SFXN5: variants seen among roughly 807,000 people sequenced by gnomAD.
SFXN5 encodes the protein sideroflexin-5.
A neutral mutation model predicts 50.2 loss-of-function variants in SFXN5; 43 were observed. The observed-to-expected ratio is 0.86, with a 90% CI of 0.67 to 1.11. The LOEUF is 1.11. Among genes scored for constraint, SFXN5 ranks in the 50% least tolerant of loss-of-function variants. The probability of loss-of-function intolerance (pLI) is 0.00; values close to 1 mark genes in which losing one functional copy is unlikely to be tolerated. For synonymous variants in SFXN5, 203 were observed against 185.8 expected, an observed-to-expected ratio of 1.09 and a Z score of -0.75; for missense variants, 463 against 454.1, an observed-to-expected ratio of 1.02 and a Z score of -0.18.
intron 10 of SFXN5, chr2:72,980,986 A>G (rs979964095): frequency 6.6e-6 from 1 of 152,178 alleles, no homozygotes. Flanking sequence ...CATTTACGCA[A>G]CAAGCACTTA....
chr2:73,065,232 C>G (rs1377563631), intron 1 of SFXN5, among the ~76,000 whole-genome samples: 1 of 152,130 alleles, frequency 6.6e-6, no homozygotes, highest in Non-Finnish European at 1.5e-5. Context: ...TCCCAAGTAG[C>G]TGGGACTACA....
chr2:73,056,073 G>A (rs1682075444), intron 2 of SFXN5, among the ~76,000 whole-genome samples: 1 of 152,220 alleles, frequency 6.6e-6, no homozygotes, highest in Non-Finnish European at 1.5e-5. Context: ...GGGAAGTGGA[G>A]GCTGCAATGA....
At chr2:73,019,857 G>A (rs1475346621) in intron 6 of SFXN5, 2 of 187,138 alleles carry the variant, frequency 1.1e-5, no homozygotes, top group Non-Finnish European at 2.2e-5. Flanking sequence ...CAAAAAGAAT[G>A]CTGAAAATTC....
rs1673473196 is a variant in SFXN5, at chr2:72,959,527, ACT to A, written c.945+1602_945+1603del. ...TGACTTCCTGCCCCTTCCCCACCCT[ACT>A]CTCTCCTGTCTGCTCAGTCACAAGA... On this transcript the variant is annotated intron_variant, in intron 13 of 13. Coordinates refer to ENST00000272433, the MANE Select transcript of SFXN5 (RefSeq NM_144579.3). 2.0e-5 allele frequency among the ~76,000 whole-genome samples: 3 copies of A among 148,434 alleles called. No homozygotes were observed. In the South Asian group the frequency reaches 6.4e-4, roughly 32 times the overall value.
At chr2:72,964,144 G>A (rs2105402586) in intron 12 of SFXN5, among the ~76,000 whole-genome samples, 1 of 152,376 alleles carries the variant, frequency 6.6e-6, no homozygotes, top group Middle Eastern at 3.4e-3. Context: ...GCAGGTCCCA[G>A]CCATGGCCGC....
chr2:72,979,623 G>T (rs1671054905), intron 10 of SFXN5, among the ~76,000 whole-genome samples: 1 of 152,162 alleles, frequency 6.6e-6, no homozygotes, highest in Non-Finnish European at 1.5e-5. Flanking sequence ...GACAGAGCAA[G>T]ACTCCGTCTA....
At chr2:72,988,124 T>C in intron 10 of SFXN5, 134 bp downstream of exon 10, 2 of 737,008 alleles carry the variant, frequency 2.7e-6, no homozygotes, top group South Asian at 2.0e-5. Flanking sequence ...TAGCTAAACA[T>C]ATTACACCAA....
At chr2:73,070,438 A>G (rs1683493470) in intron 1 of SFXN5, 1 of 152,144 alleles carries the variant, frequency 6.6e-6, no homozygotes, top group Non-Finnish European at 1.5e-5. Flanking sequence ...CAAAAAAAGA[A>G]AAAAAAAGCC....
At chr2:73,014,319 T>C (rs2105787789) in intron 6 of SFXN5, among the ~76,000 whole-genome samples, 1 of 152,316 alleles carries the variant, frequency 6.6e-6, no homozygotes, top group Non-Finnish European at 1.5e-5. Context: ...TACTATTAGA[T>C]GGTTTGTCCT....
intron 6 of SFXN5, among the ~76,000 whole-genome samples, chr2:73,010,441 T>C (rs1363456923): frequency 6.6e-6 from 1 of 152,212 alleles, no homozygotes; most frequent in African/African-American, 2.4e-5. Context: ...CTTTTTACAA[T>C]AGAAGCCAGT....
chr2:72,978,960 A>G (rs1574016487), intron 10 of SFXN5, among the ~76,000 whole-genome samples: 2 of 152,328 alleles, frequency 1.3e-5, no homozygotes, highest in Admixed American at 1.3e-4. Flanking sequence ...GAGAGACTGA[A>G]AACAACCTAA....
intron 2 of SFXN5, among the ~76,000 whole-genome samples, chr2:73,043,952 C>T (rs1306440023): frequency 6.6e-6 from 1 of 152,182 alleles, no homozygotes; most frequent in Admixed American, 6.5e-5. Flanking sequence ...CAGACCCTCA[C>T]TCTGCACAAC....
chr2:73,069,909 G>C (rs1386566017), intron 1 of SFXN5, among the ~76,000 whole-genome samples: 1 of 152,158 alleles, frequency 6.6e-6, no homozygotes, highest in Non-Finnish European at 1.5e-5. Context: ...CAGAGGCAGA[G>C]AAGGGCAAGA....
intron 3 of SFXN5, among the ~76,000 whole-genome samples, chr2:73,037,604 C>T (rs1210783208): frequency 6.6e-6 from 1 of 152,064 alleles, no homozygotes; most frequent in Non-Finnish European, 1.5e-5. Context: ...ACAAATTTCA[C>T]AGATAAAGAG....
chr2:73,051,021 A>G (rs1485931098), intron 2 of SFXN5, among the ~76,000 whole-genome samples: 1 of 152,216 alleles, frequency 6.6e-6, no homozygotes. Flanking sequence ...ACGAAGTCCT[A>G]GGACACAGGC....
rs1308958363 is a variant in SFXN5 at position 73,071,378 on chromosome 2, G to A, written c.102+226C>T. 1.5e-5 allele frequency: 8 copies of A among 535,236 alleles called. No individual in the cohort carries two copies. In the East Asian group the frequency reaches 2.0e-4, roughly 13 times the overall value. 33.2% of individuals were successfully genotyped at this position (535,236 alleles called of 1,614,324 possible). On this transcript the variant is annotated intron_variant, in intron 1 of 13. Transcript: ENST00000272433. Reference sequence around the variant, plus strand: ...AAGGCTAGAGGGCGCGGGCAGTCGGGGAGTGACGGCGCCAAGGGCCAATAG... The same window carrying A: ...AAGGCTAGAGGGCGCGGGCAGTCGGAGAGTGACGGCGCCAAGGGCCAATAG...
chr2:73,038,703 A>G (rs1165799684), intron 3 of SFXN5, among the ~76,000 whole-genome samples: 1 of 152,116 alleles, frequency 6.6e-6, no homozygotes, highest in Non-Finnish European at 1.5e-5. Context: ...TAAATTTCAG[A>G]TTTTTGACTC....
At chr2:72,987,132 G>A (rs1292060993) in intron 10 of SFXN5, among the ~76,000 whole-genome samples, 1 of 151,970 alleles carries the variant, frequency 6.6e-6, no homozygotes, top group Non-Finnish European at 1.5e-5. Context: ...GTTTTGTTTT[G>A]TTTTTGAGAC....
chr2:72,998,318 TC>T (rs749459539), intron 9 of SFXN5: 2 of 152,282 alleles, frequency 1.3e-5, no homozygotes, highest in Non-Finnish European at 2.9e-5. Context: ...CCTGACTGTG[TC>T]ACTTGCCCCT....
Sources: allele counts gnomAD v4.1 joint callset (sites outside exome capture counted in the v4.1 genomes callset), GRCh38; gene constraint gnomAD v4.1.1; transcripts MANE v1.5; gene names NCBI Gene and HGNC (gene_info 2026-07-23, HGNC 2026-07-21).